Variants in PCDHGB4 observed in about 807,000 individuals in gnomAD.
PCDHGB4 encodes protocadherin gamma-B4.
In PCDHGB4, 38 loss-of-function variants were observed where a neutral mutation model predicts 60.5. The ratio of observed to expected loss-of-function variants is 0.63; its 90% CI spans 0.48 to 0.82. The LOEUF is 0.82. Ranked by LOEUF, PCDHGB4 falls within the 40% of genes least tolerant of loss-of-function variation. The pLI is 0.00. For missense variants in PCDHGB4, 1,109 were observed against 1,209.6 expected (o/e 0.92, Z 1.23); for synonymous variants, 456 against 509.7 (o/e 0.89, Z 1.42).
In PCDHGB4 at chr5:141,431,464, G is replaced by C. The variant is rs1413324509; in HGVS notation, c.2397+41183G>C. On this transcript the variant is annotated intron_variant, in intron 1 of 3. Coordinates refer to ENST00000519479, the MANE Select transcript of PCDHGB4 (RefSeq NM_003736.4). This position sits in a 1 kb window ranked among gnomAD's most constrained non-coding sequence, Gnocchi z 4.8. ...GCATCCGCGTGATGGTTCTGGATGCGAACGACAACGCACCAGCGTTTGCTC... is the reference window on the plus strand; with the variant it reads ...GCATCCGCGTGATGGTTCTGGATGCCAACGACAACGCACCAGCGTTTGCTC... The C allele has an allele frequency of 6.2e-7, 1 of 1,613,664 alleles. No individual in the cohort carries two copies. Among genetic ancestry groups the C allele is most frequent in the African/African-American group, 1.3e-5 (1 of 74,950 alleles).
intron 1 of PCDHGB4, chr5:141,404,067 A>G (rs540954192): frequency 3.7e-6 from 6 of 1,613,894 alleles, no homozygotes; most frequent in South Asian, 2.2e-5. Context: ...TTCAATGCTC[A>G]TGACCGAGAC....
chr5:141,435,781 C>T (rs3828680), intron 1 of PCDHGB4, among the ~76,000 whole-genome samples: 81,882 of 151,942 alleles, frequency 0.54, 24,120 homozygotes, highest in African/African-American at 0.79. Flanking sequence ...TGTAAAGGTG[C>T]AGGGAAACAT....
At chr5:141,451,049 C>T (rs538627151) in intron 1 of PCDHGB4, among the ~76,000 whole-genome samples, 1 of 151,422 alleles carries the variant, frequency 6.6e-6, no homozygotes, top group African/African-American at 2.4e-5. Context: ...AGGCTGGTCT[C>T]GAACTCCTGA....
intron 1 of PCDHGB4, among the ~76,000 whole-genome samples, chr5:141,469,914 C>T (rs1451982311): frequency 6.6e-6 from 1 of 152,082 alleles, no homozygotes. Flanking sequence ...GCAGACCACC[C>T]GAGGTCAGGA....
chr5:141,450,838 T>A (rs2098698352), intron 1 of PCDHGB4, among the ~76,000 whole-genome samples: 1 of 149,278 alleles, frequency 6.7e-6, no homozygotes, highest in African/African-American at 2.5e-5. Flanking sequence ...TATTTTTTTT[T>A]TTTTGAGATG....
intron 1 of PCDHGB4, chr5:141,433,354 T>C: frequency 1.7e-6 from 1 of 602,322 alleles, no homozygotes; most frequent in Non-Finnish European, 2.9e-6. Flanking sequence ...CCACCTACTG[T>C]CTGCCTATCT....
Position 141,476,793 on chromosome 5 carries a change from C to T in PCDHGB4, c.2398-18014C>T, listed in dbSNP as rs754785656. ...GACGGAGGGACCCCAGCTCTCTCCG[C>T]CAGCCTGCCTATTCACATCAAGGTG... On this transcript the variant is annotated intron_variant, in intron 1 of 3. Transcript: ENST00000519479. The surrounding 1 kb of genome is among the most constrained non-coding windows in gnomAD (Gnocchi z 7.6). 1.2e-6 allele frequency: 2 copies of T among 1,613,642 alleles called. No homozygotes were observed. The highest frequency in any genetic ancestry group is 2.2e-5 in the East Asian group (1 of 44,868).
intron 1 of PCDHGB4, among the ~76,000 whole-genome samples, chr5:141,433,559 G>A (rs2154555800): frequency 6.6e-6 from 1 of 152,212 alleles, no homozygotes; most frequent in Non-Finnish European, 1.5e-5. Context: ...TTTCTGGCTG[G>A]GCGCGGTGGC....
intron 1 of PCDHGB4, chr5:141,478,111 A>G (rs2099430294): frequency 1.2e-6 from 2 of 1,613,982 alleles, no homozygotes; most frequent in Admixed American, 1.7e-5. Context: ...TCACTGTGTC[A>G]GTAACCGAGG....
At position 141,491,154 on chromosome 5, in the gene PCDHGB4, C is replaced by T. The variant is rs773308291; in HGVS notation, c.2398-3653C>T. ...CAGCCCGGGCCTTACTGGAGGATGACTCTGACACCCAGCAGGTGGTGGTCC... is the reference window on the plus strand; with the variant it reads ...CAGCCCGGGCCTTACTGGAGGATGATTCTGACACCCAGCAGGTGGTGGTCC... On this transcript the variant is annotated intron_variant, in intron 1 of 3. Coordinates refer to ENST00000519479, the MANE Select transcript of PCDHGB4 (RefSeq NM_003736.4). The surrounding 1 kb of genome is among the most constrained non-coding windows in gnomAD (Gnocchi z 6.9). The T allele has an allele frequency of 6.2e-7, 1 of 1,614,162 alleles. No homozygotes were observed. The highest frequency in any genetic ancestry group is 1.7e-5 in the Admixed American group (1 of 60,026).
At position 141,476,015 on chromosome 5, in the gene PCDHGB4, C is replaced by A; in HGVS notation, c.2398-18792C>A. The A allele has an allele frequency of 7.4e-7, 1 of 1,344,728 alleles. No individual in the cohort carries two copies. The highest frequency in any genetic ancestry group is 1.0e-6 in the Non-Finnish European group (1 of 992,700). The allele number at this position is 1,344,728 out of a possible 1,614,324, so 83.3% of individuals were successfully genotyped here. A position where few individuals can be genotyped will look rare whatever the true frequency, so the allele number is the denominator to read the frequency against. ...ATCAACGGCATCCAGAAAGCCATGT[C>A]GGACTCGGCGCCCAGCGCCCAAGCG... On this transcript the variant is annotated intron_variant, in intron 1 of 3. Coordinates refer to ENST00000519479, the MANE Select transcript of PCDHGB4 (RefSeq NM_003736.4). This position sits in a 1 kb window ranked among gnomAD's most constrained non-coding sequence, Gnocchi z 7.6.
rs189987196 is a variant in PCDHGB4, at chr5:141,420,754, C to T, written c.2397+30473C>T. Among the ~76,000 whole-genome samples, 291 of 152,292 alleles carry T rather than the reference C, an allele frequency of 1.9e-3. 2 individuals carry two copies. The highest frequency in any genetic ancestry group is 3.6e-3 in the Non-Finnish European group (248 of 68,020). On this transcript the variant is annotated intron_variant, in intron 1 of 3. Coordinates refer to ENST00000519479, the MANE Select transcript of PCDHGB4 (RefSeq NM_003736.4). ...TAAAATCAATTGGAACCAACTACAA[C>T]CTACAAGTTTTCAGCTCCAGTAATA... is the stretch of plus-strand genomic sequence containing the variant.
chr5:141,389,279 T>C lies in PCDHGB4; in HGVS notation c.1395T>C (p.Pro465=). 6.2e-7 allele frequency: 1 copy of C among 1,614,016 alleles called. No individual in the cohort carries two copies. The highest frequency in any genetic ancestry group is 8.5e-7 in the Non-Finnish European group (1 of 1,179,896). Residue 465 remains proline (P), a synonymous_variant, in exon 1 of 4, where the codon CCT becomes CCC. Coordinates refer to ENST00000519479, the MANE Select transcript of PCDHGB4 (RefSeq NM_003736.4). Reference sequence around the variant, plus strand: ...TCCACGTGGCCGAGAACAACCCGCCTGGAGCCTCTATTTCACAAGTCAGGG... The same window carrying C: ...TCCACGTGGCCGAGAACAACCCGCCCGGAGCCTCTATTTCACAAGTCAGGG... ...YIVHVAENNP[P]GASISQVRAS...
At chr5:141,395,468 C>T (rs909198422) in intron 1 of PCDHGB4, 2 of 569,714 alleles carry the variant, frequency 3.5e-6, no homozygotes, top group African/African-American at 3.8e-5. Flanking sequence ...TTAAGCCTTC[C>T]AGTATTTTAT....
At chr5:141,407,505 T>TTTTTTTTTTTTTTTTTTTTTTGAGACGG (rs1460306566) in intron 1 of PCDHGB4, among the ~76,000 whole-genome samples, 2 of 152,142 alleles carry the variant, frequency 1.3e-5, no homozygotes, top group African/African-American at 2.4e-5. Context: ...CTGTTTTTCT[T>TTTTTTTTTTTTTTTTTTTTTTGAGACGG]AGGCTATGTA....
intron 1 of PCDHGB4, chr5:141,402,978 T>C (rs746626227): frequency 2.5e-6 from 4 of 1,608,452 alleles, no homozygotes; most frequent in Non-Finnish European, 3.4e-6. Context: ...AAATGCCAGC[T>C]CCGCGGAAGA....
At chr5:141,398,819 A>C (rs571120530) in intron 1 of PCDHGB4, 1 of 1,613,994 alleles carries the variant, frequency 6.2e-7, no homozygotes, top group East Asian at 2.2e-5. Flanking sequence ...CTCCGGATCC[A>C]GGTAACCGAC....
intron 1 of PCDHGB4, among the ~76,000 whole-genome samples, chr5:141,466,519 C>A (rs1406838553): frequency 6.6e-6 from 1 of 151,864 alleles, no homozygotes; most frequent in Non-Finnish European, 1.5e-5. Flanking sequence ...CATTTTTTTT[C>A]CTCCCAAATT....
At chr5:141,451,127 CT>C (rs1264048458) in intron 1 of PCDHGB4, among the ~76,000 whole-genome samples, 1 of 152,132 alleles carries the variant, frequency 6.6e-6, no homozygotes, top group Non-Finnish European at 1.5e-5. Context: ...CACACCCAGC[CT>C]TATGATTGTA....
Sources: gnomAD v4.1 joint callset for allele counts (sites outside exome capture counted in the v4.1 genomes callset) on GRCh38, gnomAD v4.1.1 for gene constraint, Gnocchi (gnomAD v3.1) non-coding constraint, MANE v1.5 for transcripts, NCBI Gene and HGNC (gene_info 2026-07-23, HGNC 2026-07-21) for gene names.